Variants in DAZAP2 observed in about 807,000 individuals in gnomAD.
DAZAP2 encodes DAZ-associated protein 2.
A neutral mutation model predicts 16.2 loss-of-function variants in DAZAP2; 3 were observed. The ratio of observed to expected loss-of-function variants is 0.19; its 90% CI spans 0.08 to 0.48. The LOEUF (loss-of-function observed/expected upper bound fraction) is 0.48. Among genes scored for constraint, DAZAP2 ranks in the 20% least tolerant of loss-of-function variants. DAZAP2 has a pLI of 0.98. For missense variants in DAZAP2, 172 were observed against 215.9 expected (o/e 0.80, Z 1.27); for synonymous variants, 69 against 77.6 (o/e 0.89, Z 0.58).
chr12:51,245,720 C>G, downstream of DAZAP2: 2 of 512,136 alleles, frequency 3.9e-6, no homozygotes, highest in Non-Finnish European at 7.0e-6. Flanking sequence ...AACACCAGCT[C>G]TAGTAAGAGG....
At position 51,240,741 on chromosome 12, in the gene DAZAP2, G is replaced by A; in HGVS notation, c.133-130G>A. ...ATCCAGGAGAATATTGAAGGCCAGT[G>A]GAAAGGCAACTTGTATAATCTTACA... On this transcript the variant is annotated intron_variant, in intron 2 of 3. Coordinates refer to ENST00000412716, the MANE Select transcript of DAZAP2 (RefSeq NM_014764.4). 4.5e-6 allele frequency: 6 copies of A among 1,329,600 alleles called. No individual in the cohort carries two copies. In the South Asian group the frequency reaches 5.7e-5, roughly 13 times the overall value. 82.4% of individuals were successfully genotyped at this position (1,329,600 alleles called of 1,614,324 possible).
chr12:51,241,965 A>G (rs1002977029), intron 3 of DAZAP2, among the ~76,000 whole-genome samples: 1 of 152,062 alleles, frequency 6.6e-6, no homozygotes, highest in African/African-American at 2.4e-5. Context: ...AAAACTATGT[A>G]GGGACCATGT....
rs1374557732 is a variant in DAZAP2 at position 51,238,835 on chromosome 12, G to A, written c.-73G>A. ...GGACGGACCATCATGTGACACGGAA[G>A]TAGCTCCGAACAGGAAGAGGACGAA... is the stretch of plus-strand genomic sequence containing the variant. On this transcript the variant is annotated 5_prime_UTR_variant, in exon 1 of 4. Transcript: ENST00000412716. The A allele has an allele frequency of 3.1e-6, 5 of 1,610,230 alleles. No homozygotes were observed. The highest frequency in any genetic ancestry group is 4.2e-6 in the Non-Finnish European group (5 of 1,179,102).
At chr12:51,245,854 C>T, downstream of DAZAP2, 1 of 1,457,968 alleles carries the variant, frequency 6.9e-7, no homozygotes, top group African/African-American at 1.4e-5. Flanking sequence ...AATGCTTCTC[C>T]CTGGCTTCAG....
rs1052353553 is a variant in DAZAP2 at position 51,240,809 on chromosome 12, A to G, written c.133-62A>G. On this transcript the variant is annotated intron_variant, in intron 2 of 3. Transcript: ENST00000412716. ...AAGGAGAATTAAGAATTAGCTCATTAAAGAGATCTCAAATAGGAATGTCAT... is the reference window on the plus strand; with the variant it reads ...AAGGAGAATTAAGAATTAGCTCATTGAAGAGATCTCAAATAGGAATGTCAT... The G allele has an allele frequency of 4.4e-6, 7 of 1,579,344 alleles. No homozygotes were observed. In the African/African-American group the frequency reaches 9.4e-5, roughly 21 times the overall value.
intron 1 of DAZAP2, chr12:51,240,084 G>A: frequency 2.1e-6 from 1 of 469,860 alleles, no homozygotes; most frequent in Non-Finnish European, 3.9e-6. Flanking sequence ...TTGGGCCCAG[G>A]TAGACTTAAC....
downstream of DAZAP2, among the ~76,000 whole-genome samples, chr12:51,244,379 T>G (rs1188926545): frequency 1.3e-5 from 2 of 152,150 alleles, no homozygotes; most frequent in Non-Finnish European, 2.9e-5. Flanking sequence ...GTACTTTTAG[T>G]AGAGACGGCT....
intron 3 of DAZAP2, 26 bp downstream of exon 3, chr12:51,241,142 C>T (rs1944668289): frequency 6.2e-7 from 1 of 1,609,104 alleles, no homozygotes; most frequent in East Asian, 2.2e-5. Flanking sequence ...TCAGAAGAAA[C>T]TCAGCCCTTG....
downstream of DAZAP2, chr12:51,243,946 T>G: frequency 1.0e-6 from 1 of 981,476 alleles, no homozygotes; most frequent in East Asian, 1.1e-4. Context: ...CTTGATCATT[T>G]CATGAATTCC....
rs1247980992 is a variant in DAZAP2 at position 51,242,348 on chromosome 12, C to T, written c.397C>T (p.Pro133Ser). 17 of 1,597,972 alleles carry T rather than the reference C, an allele frequency of 1.1e-5. No homozygotes were observed. The highest frequency in any genetic ancestry group is 6.7e-5 in the East Asian group (3 of 44,686). ...CTTTCAGCCTCCACCTCCTGGATGC[C>T]CTCCCAATGCTGCTCAGCTTGCAGT... ...GNIPPPPPGCPPNAAQLAVMQ... is the reference protein window; with the variant it reads ...GNIPPPPPGCSPNAAQLAVMQ... Residue 133 changes from proline to serine, a missense_variant, in exon 4 of 4, where the codon CCT becomes TCT. Pro to Ser is a moderately conservative substitution (Grantham distance 74, BLOSUM62 -1). Coordinates refer to ENST00000412716, the MANE Select transcript of DAZAP2 (RefSeq NM_014764.4).
intron 2 of DAZAP2, 98 bp downstream of exon 2, chr12:51,240,559 A>G (rs1944656953): frequency 1.8e-6 from 2 of 1,136,092 alleles, no homozygotes; most frequent in Admixed American, 3.9e-5. Flanking sequence ...ACTCTTCACA[A>G]ATGCTAACAT....
chr12:51,241,978 G>A (rs1386529956), intron 3 of DAZAP2, among the ~76,000 whole-genome samples: 1 of 151,928 alleles, frequency 6.6e-6, no homozygotes, highest in Non-Finnish European at 1.5e-5. Flanking sequence ...GACCATGTGG[G>A]ATTCATACAT....
Position 51,240,477 on chromosome 12 carries a change from C to T in DAZAP2, c.132+16C>T, listed in dbSNP as rs1944654683. 1.3e-6 allele frequency: 2 copies of T among 1,590,704 alleles called. No individual in the cohort carries two copies. The highest frequency in any genetic ancestry group is 1.7e-6 in the Non-Finnish European group (2 of 1,158,908). ...CTACTCAGAGGTGCTTCCAGTTTGCCAGATTTGAACTAGCTGGGAATACTC... is the reference window on the plus strand; with the variant it reads ...CTACTCAGAGGTGCTTCCAGTTTGCTAGATTTGAACTAGCTGGGAATACTC... On this transcript the variant is annotated intron_variant, in intron 2 of 3. Coordinates refer to ENST00000412716, the MANE Select transcript of DAZAP2 (RefSeq NM_014764.4).
At position 51,243,013 on chromosome 12, in the gene DAZAP2, C is replaced by G. The variant is rs763165216; in HGVS notation, c.*555C>G. Reference sequence around the variant, plus strand: ...GAATCAATGGTGCAGGACAGAAAGCCAGTCAGACTAATTTCCTTCTTTCCT... The same window carrying G: ...GAATCAATGGTGCAGGACAGAAAGCGAGTCAGACTAATTTCCTTCTTTCCT... On this transcript the variant is annotated 3_prime_UTR_variant, in exon 4 of 4. Coordinates refer to ENST00000412716, the MANE Select transcript of DAZAP2 (RefSeq NM_014764.4). The G allele has an allele frequency of 1.1e-5, 11 of 1,003,244 alleles. No individual in the cohort carries two copies. Among genetic ancestry groups the G allele is most frequent in the Non-Finnish European group, 1.3e-5 (11 of 841,872 alleles). 62.1% of individuals were successfully genotyped at this position (1,003,244 alleles called of 1,614,324 possible). A position where few individuals can be genotyped will look rare whatever the true frequency, so the allele number is the denominator to read the frequency against.
chr12:51,246,500 C>T (rs1944771386), downstream of DAZAP2: 1 of 448,222 alleles, frequency 2.2e-6, no homozygotes, highest in South Asian at 4.7e-5. Context: ...CGTCCCTACC[C>T]ACGTACTCAA....
At chr12:51,239,263 C>T (rs1338314189) in intron 1 of DAZAP2, 1 of 298,100 alleles carries the variant, frequency 3.4e-6, no homozygotes, top group Non-Finnish European at 6.3e-6. Flanking sequence ...GGGCGCCGCG[C>T]TCCGGAACCC....
chr12:51,242,352 C>T lies in DAZAP2; in HGVS notation c.401C>T (p.Pro134Leu). 1.2e-6 allele frequency: 2 copies of T among 1,607,452 alleles called. No homozygotes were observed. Among genetic ancestry groups the T allele is most frequent in the Non-Finnish European group, 1.7e-6 (2 of 1,176,554 alleles). ...CAGCCTCCACCTCCTGGATGCCCTCCCAATGCTGCTCAGCTTGCAGTCATG... is the reference window on the plus strand; with the variant it reads ...CAGCCTCCACCTCCTGGATGCCCTCTCAATGCTGCTCAGCTTGCAGTCATG... ...NIPPPPPGCP[P>L]NAAQLAVMQG... The change falls in exon 4 of 4, where the codon CCC becomes CTC. Residue 134 changes from proline (P) to leucine (L), a missense_variant. By Grantham distance (98) the Pro-to-Leu change is moderately conservative. Transcript: ENST00000412716.
Position 51,242,856 on chromosome 12 carries a change from CCTT to C in DAZAP2, c.*399_*401del. 7.3e-7 allele frequency: 1 copy of C among 1,361,776 alleles called. No individual in the cohort carries two copies. The highest frequency in any genetic ancestry group is 9.4e-7 in the Non-Finnish European group (1 of 1,062,398). 84.4% of individuals were successfully genotyped at this position (1,361,776 alleles called of 1,614,324 possible). A position where few individuals can be genotyped will look rare whatever the true frequency, so the allele number is the denominator to read the frequency against. On this transcript the variant is annotated 3_prime_UTR_variant, in exon 4 of 4. Transcript: ENST00000412716. ...AATTATTCTGATTGGTCTTTAATCT[CCTT>C]TAAGTCTTTGATATATATTACTTGT... is the stretch of plus-strand genomic sequence containing the variant.
Position 51,240,430 on chromosome 12 carries a change from C to A in DAZAP2, c.101C>A (p.Pro34His). 6.2e-7 allele frequency: 1 copy of A among 1,614,082 alleles called. No individual in the cohort carries two copies. Among genetic ancestry groups the A allele is most frequent in the Non-Finnish European group, 8.5e-7 (1 of 1,180,006 alleles). Residue 34 changes from proline to histidine, a missense_variant, in exon 2 of 4, where the codon CCC becomes CAC. Transcript: ENST00000412716. ...ACCTTGCATCTTCCTCAGGCTCCACCCTATACCGATGCTCCACCTGCCTAC... is the reference window on the plus strand; with the variant it reads ...ACCTTGCATCTTCCTCAGGCTCCACACTATACCGATGCTCCACCTGCCTAC... ...PQTLHLPQAP[P>H]YTDAPPAYSE...
Sources: allele counts gnomAD v4.1 joint callset (sites outside exome capture counted in the v4.1 genomes callset), GRCh38; gene constraint gnomAD v4.1.1; transcripts MANE v1.5; gene names NCBI Gene and HGNC (gene_info 2026-07-23, HGNC 2026-07-21).